The following RPS6KC1 variants were observed in gnomAD, a reference collection of about 807,000 sequenced individuals.
RPS6KC1 encodes the protein inactive ribosomal protein S6 kinase delta-1.
In RPS6KC1, 54 loss-of-function variants were observed where a neutral mutation model predicts 103.8. The observed-to-expected ratio is 0.52, with a 90% CI of 0.42 to 0.65. The LOEUF (loss-of-function observed/expected upper bound fraction) is 0.65. Ranked by LOEUF, RPS6KC1 falls within the 30% of genes least tolerant of loss-of-function variation. The pLI is 0.00. For synonymous variants in RPS6KC1, 439 were observed against 438.7 expected (o/e 1.00, Z -0.01); for missense variants, 1,151 against 1,253.8 (o/e 0.92, Z 1.24).
the RPS6KC1 span, among the ~76,000 whole-genome samples, chr1:213,485,872 T>C: frequency 1.3e-5 from 2 of 152,190 alleles, no homozygotes; most frequent in East Asian, 3.9e-4. Context: ...CATGAAGCAG[T>C]GCAGGAAGAA....
At chr1:213,514,940 A>G in the RPS6KC1 span, among the ~76,000 whole-genome samples, 1 of 152,190 alleles carries the variant, frequency 6.6e-6, no homozygotes, top group Non-Finnish European at 1.5e-5. Context: ...GTGGGATGGT[A>G]TCTCACTGTG....
chr1:213,236,109 G>A (rs2094214911), intron 10 of RPS6KC1, among the ~76,000 whole-genome samples: 2 of 152,140 alleles, frequency 1.3e-5, no homozygotes, highest in African/African-American at 4.8e-5. Flanking sequence ...GAGGGATCTA[G>A]GTTGCACACT....
chr1:213,072,133 C>A (rs1431095554), intron 2 of RPS6KC1, among the ~76,000 whole-genome samples: 1 of 150,860 alleles, frequency 6.6e-6, no homozygotes, highest in Non-Finnish European at 1.5e-5. Context: ...GATTCTGCAA[C>A]AGTATTGTTT....
chr1:213,738,640 A>G, the RPS6KC1 span, among the ~76,000 whole-genome samples: 1 of 152,042 alleles, frequency 6.6e-6, no homozygotes, highest in African/African-American at 2.4e-5. Flanking sequence ...TATAAATGAG[A>G]GAAAGCTGAT....
intron 14 of RPS6KC1, among the ~76,000 whole-genome samples, chr1:213,265,191 A>C (rs917782638): frequency 6.6e-6 from 1 of 152,212 alleles, no homozygotes; most frequent in Non-Finnish European, 1.5e-5. Context: ...TAAGCAGTAG[A>C]ATCTTTGTGT....
chr1:213,381,998 G>T, the RPS6KC1 span, among the ~76,000 whole-genome samples: 1 of 152,192 alleles, frequency 6.6e-6, no homozygotes, highest in Non-Finnish European at 1.5e-5. Flanking sequence ...TTGGACGAGG[G>T]GATGGCACAG....
At chr1:213,559,227 G>C in the RPS6KC1 span, among the ~76,000 whole-genome samples, 1 of 152,186 alleles carries the variant, frequency 6.6e-6, no homozygotes, top group Non-Finnish European at 1.5e-5. Flanking sequence ...CTGAATTAGT[G>C]ACCGAGCTTG....
chr1:213,519,466 C>T, the RPS6KC1 span, among the ~76,000 whole-genome samples: 5 of 152,208 alleles, frequency 3.3e-5, 1 homozygote, highest in African/African-American at 7.2e-5. Flanking sequence ...AGAATGAGTG[C>T]GTAGATGTTG....
At chr1:213,529,016 A>G in the RPS6KC1 span, among the ~76,000 whole-genome samples, 1 of 152,180 alleles carries the variant, frequency 6.6e-6, no homozygotes, top group Non-Finnish European at 1.5e-5. Context: ...ACTATGGGCT[A>G]GACATTAGGA....
At chr1:213,861,794 G>T in the RPS6KC1 span, among the ~76,000 whole-genome samples, 2 of 152,186 alleles carry the variant, frequency 1.3e-5, no homozygotes, top group Admixed American at 6.5e-5. Flanking sequence ...TTACTGTCCA[G>T]TCGTATCTTA....
chr1:213,719,502 C>T, the RPS6KC1 span, among the ~76,000 whole-genome samples: 1 of 152,188 alleles, frequency 6.6e-6, no homozygotes, highest in East Asian at 1.9e-4. Flanking sequence ...ATATAAAACA[C>T]TGAAGCAAAA....
the RPS6KC1 span, among the ~76,000 whole-genome samples, chr1:213,438,180 T>G: frequency 1.3e-5 from 2 of 152,186 alleles, no homozygotes; most frequent in African/African-American, 4.8e-5. Flanking sequence ...GACATTTCCG[T>G]TTTGCCATCC....
chr1:213,392,197 T>A, the RPS6KC1 span, among the ~76,000 whole-genome samples: 1 of 152,088 alleles, frequency 6.6e-6, no homozygotes, highest in Non-Finnish European at 1.5e-5. Flanking sequence ...TTTTTAAAAA[T>A]TTTATCAGCA....
chr1:213,213,574 G>A (rs1221227073), intron 8 of RPS6KC1, among the ~76,000 whole-genome samples: 3 of 152,092 alleles, frequency 2.0e-5, no homozygotes, highest in African/African-American at 7.2e-5. Flanking sequence ...TCAGTTCGTT[G>A]ATAACCACTA....
At chr1:213,198,730 G>A (rs1305259071) in intron 8 of RPS6KC1, among the ~76,000 whole-genome samples, 1 of 152,206 alleles carries the variant, frequency 6.6e-6, no homozygotes, top group Non-Finnish European at 1.5e-5. Context: ...ACCAGGACCA[G>A]ATGGTTTTAC....
intron 8 of RPS6KC1, among the ~76,000 whole-genome samples, chr1:213,224,706 T>C (rs1043757182): frequency 2.8e-4 from 42 of 152,196 alleles, no homozygotes; most frequent in African/African-American, 9.7e-4. Flanking sequence ...TGATGTGTTT[T>C]AGTCTACACA....
chr1:213,368,833 C>G, the RPS6KC1 span, among the ~76,000 whole-genome samples: 1 of 152,212 alleles, frequency 6.6e-6, no homozygotes, highest in South Asian at 2.1e-4. Context: ...GGCCTGCAAT[C>G]TAAGTTGATT....
the RPS6KC1 span, among the ~76,000 whole-genome samples, chr1:213,557,076 T>C: frequency 1.3e-5 from 2 of 152,078 alleles, no homozygotes; most frequent in Non-Finnish European, 2.9e-5. Context: ...AGTAAGAGGA[T>C]GAGATCAGCA....
At chr1:213,573,958 CA>C in the RPS6KC1 span, among the ~76,000 whole-genome samples, 1 of 152,210 alleles carries the variant, frequency 6.6e-6, no homozygotes, top group African/African-American at 2.4e-5. Flanking sequence ...GGCAGATAGA[CA>C]GCAGACCAAT....
Sources: allele counts gnomAD v4.1 joint callset (sites outside exome capture counted in the v4.1 genomes callset), GRCh38; gene constraint gnomAD v4.1.1; transcripts MANE v1.5; gene names NCBI Gene and HGNC (gene_info 2026-07-23, HGNC 2026-07-21).